The following DPYS variants were observed in gnomAD, a reference collection of about 807,000 sequenced individuals.
The protein encoded by DPYS is dihydropyrimidine amidohydrolase.
In DPYS, 39 loss-of-function variants were observed where a neutral mutation model predicts 50.3. The ratio of observed to expected loss-of-function variants is 0.78; its 90% CI spans 0.60 to 1.01. DPYS has a LOEUF of 1.01. DPYS is among the 50% of genes least tolerant of loss of function. DPYS has a pLI of 0.00. For synonymous variants in DPYS, 245 were observed against 250.7 expected, an observed-to-expected ratio of 0.98 and a Z score of 0.22; for missense variants, 659 against 680.9, an observed-to-expected ratio of 0.97 and a Z score of 0.36.
intron 1 of DPYS, among the ~76,000 whole-genome samples, chr8:104,459,633 AG>A (rs761493702): frequency 2.6e-5 from 4 of 152,208 alleles, no homozygotes; most frequent in Non-Finnish European, 5.9e-5. Context: ...ATTTGAGAAT[AG>A]GTGTTTTTTT....
chr8:104,406,693 C>G (rs1812008082), intron 7 of DPYS, among the ~76,000 whole-genome samples: 1 of 152,220 alleles, frequency 6.6e-6, no homozygotes, highest in African/African-American at 2.4e-5. Flanking sequence ...CCTGCAGACT[C>G]CAGCATCAGA....
chr8:104,463,567 T>G (rs1175449276), intron 1 of DPYS, among the ~76,000 whole-genome samples: 3 of 152,206 alleles, frequency 2.0e-5, no homozygotes, highest in East Asian at 3.8e-4. Context: ...CAGCCCTAGG[T>G]GTACAACCTT....
At chr8:104,409,345 C>T (rs955268747) in intron 7 of DPYS, among the ~76,000 whole-genome samples, 14 of 151,688 alleles carry the variant, frequency 9.2e-5, no homozygotes, top group East Asian at 7.9e-4. Context: ...ATTAGCTGGG[C>T]GTGGTGGTGC....
intron 6 of DPYS, among the ~76,000 whole-genome samples, chr8:104,426,493 G>A (rs187234537): frequency 2.0e-5 from 3 of 152,300 alleles, no homozygotes; most frequent in East Asian, 1.9e-4. Flanking sequence ...TGGTAGCAAC[G>A]AAGAAAGAAA....
At chr8:104,395,650 T>C (rs970319374) in intron 7 of DPYS, among the ~76,000 whole-genome samples, 2 of 152,228 alleles carry the variant, frequency 1.3e-5, no homozygotes, top group African/African-American at 4.8e-5. Context: ...TGTTGCTGCA[T>C]AGTATTCCAC....
intron 7 of DPYS, among the ~76,000 whole-genome samples, chr8:104,409,028 A>G (rs893908930): frequency 2.7e-5 from 4 of 150,678 alleles, no homozygotes; most frequent in Non-Finnish European, 5.9e-5. Context: ...TGGCCAGGCT[A>G]GTTTTGAACT....
At chr8:104,401,098 A>G (rs1430432295) in intron 7 of DPYS, among the ~76,000 whole-genome samples, 1 of 152,200 alleles carries the variant, frequency 6.6e-6, no homozygotes, top group South Asian at 2.1e-4. Flanking sequence ...TCTCCCACTC[A>G]GGCACTTTGG....
intron 8 of DPYS, among the ~76,000 whole-genome samples, chr8:104,388,443 A>C (rs1193068276): frequency 6.6e-6 from 1 of 152,168 alleles, no homozygotes; most frequent in Non-Finnish European, 1.5e-5. Context: ...AACTTATAAC[A>C]CTCTAAACAC....
Position 104,447,481 on chromosome 8 carries a change from A to T in DPYS, c.446T>A (p.Leu149His). The T allele has an allele frequency of 6.2e-7, 1 of 1,614,198 alleles. No homozygotes were observed. Among genetic ancestry groups the T allele is most frequent in the South Asian group, 1.1e-5 (1 of 91,068 alleles). The change falls in exon 3 of 10, where the codon CTT becomes CAT. Residue 149 changes from leucine to histidine, a missense_variant. Physicochemically the swap from Leu to His is moderately conservative, Grantham distance 99. Coordinates refer to ENST00000351513, the MANE Select transcript of DPYS (RefSeq NM_001385.3). ...AGAGTTAACACCTTTATCTTGCACA[A>T]GGATTTTCATTTCTTCTTTAACCTA... ...SDQVKEEMKI[L>H]VQDKGVNSFK... is the part of the protein sequence containing the mutation.
chr8:104,457,970 C>T (rs960093827), intron 1 of DPYS, among the ~76,000 whole-genome samples: 5 of 152,148 alleles, frequency 3.3e-5, no homozygotes, highest in Admixed American at 6.5e-5. Context: ...TCTACTCCTG[C>T]GTCTTCACCT....
intron 7 of DPYS, among the ~76,000 whole-genome samples, chr8:104,398,381 C>T (rs1214892136): frequency 1.3e-5 from 2 of 152,228 alleles, no homozygotes; most frequent in South Asian, 2.1e-4. Flanking sequence ...CAGAGCTCTC[C>T]GATGCCCTGT....
chr8:104,422,058 T>G (rs1432547592), intron 7 of DPYS, among the ~76,000 whole-genome samples: 1 of 152,146 alleles, frequency 6.6e-6, no homozygotes, highest in Non-Finnish European at 1.5e-5. Context: ...GGGAAGACAA[T>G]GCTCTACCCC....
intron 5 of DPYS, 103 bp downstream of exon 5, chr8:104,429,442 G>T: frequency 6.6e-7 from 1 of 1,505,890 alleles, no homozygotes; most frequent in Admixed American, 1.7e-5. Flanking sequence ...AAGTAGAAGA[G>T]AATACTGGGA....
chr8:104,439,374 C>T (rs1157371247), intron 4 of DPYS, among the ~76,000 whole-genome samples: 1 of 152,102 alleles, frequency 6.6e-6, no homozygotes, highest in Admixed American at 6.6e-5. Context: ...TCATCATTTC[C>T]ACCCCCAAAA....
In DPYS at chr8:104,466,873, G is replaced by C. The variant is rs572241599; in HGVS notation, c.48C>G (p.Asn16Lys). ...CGTCGGCCACCTCCGAGAAGTCATC[G>C]TTGACCACGCGACCCCCGCGGATCA... ...RLLIRGGRVVNDDFSEVADVL... is the reference protein window; with the variant it reads ...RLLIRGGRVVKDDFSEVADVL... Residue 16 changes from asparagine (N) to lysine (K), a missense_variant, in exon 1 of 10, where the codon AAC becomes AAG. Asn to Lys is a moderately conservative substitution (Grantham distance 94). Coordinates refer to ENST00000351513, the MANE Select transcript of DPYS (RefSeq NM_001385.3). 3.4e-5 allele frequency: 51 copies of C among 1,520,676 alleles called. No homozygotes were observed. The East Asian group carries it at 1.2e-3, about 34-fold the overall frequency. The allele number at this position is 1,520,676 out of a possible 1,614,324, so 94.2% of individuals were successfully genotyped here.
intron 7 of DPYS, among the ~76,000 whole-genome samples, chr8:104,405,066 G>C (rs186918662): frequency 6.6e-6 from 1 of 152,138 alleles, no homozygotes; most frequent in African/African-American, 2.4e-5. Flanking sequence ...TAAAAGGAGC[G>C]AGAACAAAAG....
At chr8:104,426,099 T>C (rs1432273291) in intron 6 of DPYS, among the ~76,000 whole-genome samples, 1 of 152,166 alleles carries the variant, frequency 6.6e-6, no homozygotes, top group East Asian at 1.9e-4. Context: ...AGAAGTCATC[T>C]GGGATGGTTA....
chr8:104,435,690 TA>T (rs996988203), intron 4 of DPYS, among the ~76,000 whole-genome samples: 7 of 152,042 alleles, frequency 4.6e-5, no homozygotes, highest in African/African-American at 1.7e-4. Context: ...TGCAGAATGC[TA>T]AAAGAAAATA....
rs182105906 is a variant in DPYS at position 104,388,704 on chromosome 8, T to G, written c.1443+4080A>C. 7.3e-3 allele frequency among the ~76,000 whole-genome samples: 1,110 copies of G among 152,306 alleles called. 44 individuals are homozygous for G. The highest frequency in any genetic ancestry group is 3.3e-3 in the Non-Finnish European group (227 of 68,008). On this transcript the variant is annotated intron_variant, in intron 8 of 9. Transcript: ENST00000351513. ...GATGGCTTATCTTCTGATTCAATATTTTCCCTTAGGATCAGCTGTCTACAT... is the reference window on the plus strand; with the variant it reads ...GATGGCTTATCTTCTGATTCAATATGTTCCCTTAGGATCAGCTGTCTACAT...
Sources: gnomAD v4.1 joint callset for allele counts (sites outside exome capture counted in the v4.1 genomes callset) on GRCh38, gnomAD v4.1.1 for gene constraint, MANE v1.5 for transcripts, NCBI Gene and HGNC (gene_info 2026-07-23, HGNC 2026-07-21) for gene names.